The following RBM18 variants were observed in gnomAD, a reference collection of about 807,000 sequenced individuals.
RBM18 encodes probable RNA-binding protein 18.
In RBM18, 18 loss-of-function variants were observed where a neutral mutation model predicts 26.4. The observed-to-expected ratio is 0.68, with a 90% CI of 0.47 to 1.01. The LOEUF is 1.01. Among genes scored for constraint, RBM18 ranks in the 50% least tolerant of loss-of-function variants. The pLI, the probability that RBM18 is intolerant of heterozygous loss-of-function variation, is 0.00. For synonymous variants in RBM18, 74 were observed against 81.1 expected (o/e 0.91, Z 0.47); for missense variants, 180 against 219.2 (o/e 0.82, Z 1.13).
intron 2 of RBM18, among the ~76,000 whole-genome samples, chr9:122,260,473 G>C (rs1301193952): frequency 6.6e-6 from 1 of 152,166 alleles, no homozygotes; most frequent in Non-Finnish European, 1.5e-5. Context: ...CTGGCAGAAG[G>C]GAAAAACCTC....
intron 1 of RBM18, among the ~76,000 whole-genome samples, chr9:122,262,417 G>A (rs1831814159): frequency 7.6e-6 from 1 of 131,874 alleles, no homozygotes; most frequent in Non-Finnish European, 1.6e-5. Context: ...CACCTAGGAA[G>A]CATTCAATTA....
chr9:122,251,912 G>A lies in RBM18; in HGVS notation c.175C>T (p.His59Tyr), dbSNP rs376059542. 6.2e-7 allele frequency: 1 copy of A among 1,613,996 alleles called. No individual in the cohort carries two copies. Among genetic ancestry groups the A allele is most frequent in the Non-Finnish European group, 8.5e-7 (1 of 1,179,980 alleles). The change falls in exon 3 of 6, where the codon CAC becomes TAC. Residue 59 changes from histidine (H) to tyrosine (Y), a missense_variant. By Grantham distance (83) the His-to-Tyr change is moderately conservative. Coordinates refer to ENST00000417201, the MANE Select transcript of RBM18 (RefSeq NM_033117.4). ...GKVKQFDFLFHKSGALEGQPR... is the reference protein window; with the variant it reads ...GKVKQFDFLFYKSGALEGQPR... ...TGTCCCTCCAAAGCACCTGACTTGT[G>A]GAAGAGGAAGTCAAACTGCTTTACC...
At chr9:122,242,335 T>C (rs1376229758) in intron 5 of RBM18, among the ~76,000 whole-genome samples, 2 of 152,230 alleles carry the variant, frequency 1.3e-5, no homozygotes, top group African/African-American at 4.8e-5. Context: ...ACCTTAATGC[T>C]TGGCAGAGAG....
intron 3 of RBM18, among the ~76,000 whole-genome samples, chr9:122,248,232 T>C (rs1281958631): frequency 1.3e-5 from 2 of 152,198 alleles, no homozygotes; most frequent in African/African-American, 4.8e-5. Context: ...TAATAGATAA[T>C]ATGGATACTT....
chr9:122,261,904 G>A (rs1362718648), intron 1 of RBM18, among the ~76,000 whole-genome samples: 1 of 152,164 alleles, frequency 6.6e-6, no homozygotes, highest in Non-Finnish European at 1.5e-5. Context: ...GTAGGGAAGA[G>A]CAGCACTCCA....
At chr9:122,246,671 T>C (rs1407847408) in intron 4 of RBM18, among the ~76,000 whole-genome samples, 1 of 152,184 alleles carries the variant, frequency 6.6e-6, no homozygotes, top group Non-Finnish European at 1.5e-5. Flanking sequence ...AGCTTAAATG[T>C]CTTGTTTAGT....
At position 122,252,097 on chromosome 9, in the gene RBM18, C is replaced by T. The variant is rs1373664178; in HGVS notation, c.114-124G>A. 4.7e-6 allele frequency: 6 copies of T among 1,268,632 alleles called. No homozygotes were observed. The Admixed American group carries it at 7.0e-5, about 15-fold the overall frequency. The allele number at this position is 1,268,632 out of a possible 1,614,324, so 78.6% of individuals were successfully genotyped here. A position where few individuals can be genotyped will look rare whatever the true frequency, so the allele number is the denominator to read the frequency against. On this transcript the variant is annotated intron_variant, in intron 2 of 5. Transcript: ENST00000417201. ...TGAAATCTCTCGCCCCAGCCCCCTG[C>T]CTTCCTCTAAACTGCTATGTTAGTT...
rs1470878678 is a variant in RBM18, at chr9:122,240,956, G to GT, written c.*927dup. 6.6e-6 allele frequency: 1 copy of GT among 152,170 alleles called. No homozygotes were observed. Among genetic ancestry groups the GT allele is most frequent in the Non-Finnish European group, 1.5e-5 (1 of 68,036 alleles). The allele number at this position is 152,170 out of a possible 1,614,324, so 9.4% of individuals were successfully genotyped here. A position where few individuals can be genotyped will look rare whatever the true frequency, so the allele number is the denominator to read the frequency against. On this transcript the variant is annotated 3_prime_UTR_variant, in exon 6 of 6. Coordinates refer to ENST00000417201, the MANE Select transcript of RBM18 (RefSeq NM_033117.4). ...ACCGCTACACAATTATTAGAAAATT[G>GT]TATGTTTGATAGTGACCAATATAGC...
chr9:122,248,130 C>A (rs1831536575), intron 3 of RBM18, among the ~76,000 whole-genome samples: 1 of 152,138 alleles, frequency 6.6e-6, no homozygotes. Context: ...AAATCCTGGT[C>A]TGCCATTTGC....
chr9:122,254,317 T>G, intron 2 of RBM18: 1 of 964,538 alleles, frequency 1.0e-6, no homozygotes, highest in Non-Finnish European at 1.2e-6. Context: ...GTCTTTCAAC[T>G]TCTCCAGGAT....
At chr9:122,261,578 TCAA>T in intron 1 of RBM18, 70 bp from the exon 2 acceptor site, 1 of 1,015,406 alleles carries the variant, frequency 9.8e-7, no homozygotes, top group Non-Finnish European at 1.5e-6. Context: ...CAAATTCAAC[TCAA>T]CAAACATTTA....
intron 4 of RBM18, among the ~76,000 whole-genome samples, chr9:122,246,413 ATTTT>A (rs1476961628): frequency 6.6e-6 from 1 of 152,206 alleles, no homozygotes; most frequent in Non-Finnish European, 1.5e-5. Flanking sequence ...AGGCACAGAG[ATTTT>A]CAAATGAAAG....
At chr9:122,254,918 G>A (rs56306461) in intron 2 of RBM18, among the ~76,000 whole-genome samples, 71,293 of 151,424 alleles carry the variant, frequency 0.47, 17,563 homozygotes, top group East Asian at 0.82. Context: ...TTTGTGAAAG[G>A]AGTGATATCT....
Position 122,261,478 on chromosome 9 carries a change from G to C in RBM18, c.15C>G (p.Thr5=), listed in dbSNP as rs147762266. The change falls in exon 2 of 6, where the codon ACC becomes ACG. Residue 5 remains threonine, a synonymous_variant. Transcript: ENST00000417201. ...ATGCATTCTCCAGGGGAAGAGTTTTGGTTTCTGCTTCCATCAATGTCTATG... is the reference window on the plus strand; with the variant it reads ...ATGCATTCTCCAGGGGAAGAGTTTTCGTTTCTGCTTCCATCAATGTCTATG... MEAE[T]KTLPLENASI... The C allele has an allele frequency of 6.2e-7, 1 of 1,613,432 alleles. No individual in the cohort carries two copies. The highest frequency in any genetic ancestry group is 8.5e-7 in the Non-Finnish European group (1 of 1,179,346).
rs60096461 is a variant in RBM18, at chr9:122,254,048, AC to A, written c.114-2076del. 5.4e-3 allele frequency among the ~76,000 whole-genome samples: 815 copies of A among 151,404 alleles called. 7 individuals are homozygous for A. The highest frequency in any genetic ancestry group is 9.6e-3 in the South Asian group (46 of 4,772). On this transcript the variant is annotated intron_variant, in intron 2 of 5. Transcript: ENST00000417201. ...GTCTCAAAAAAAAAAAAGAAAAAAA[AC>A]CCACAAAAACACACACACACAAAAA...
At chr9:122,249,898 C>T (rs898978344) in intron 3 of RBM18, among the ~76,000 whole-genome samples, 1 of 151,582 alleles carries the variant, frequency 6.6e-6, no homozygotes, top group African/African-American at 2.4e-5. Context: ...TGGTGAAATG[C>T]CATCTCTACA....
intron 4 of RBM18, among the ~76,000 whole-genome samples, chr9:122,247,058 G>A (rs2118955379): frequency 6.6e-6 from 1 of 152,232 alleles, no homozygotes; most frequent in Middle Eastern, 3.4e-3. Context: ...TAACTCCCAA[G>A]ATTTCTGGAG....
At position 122,239,164 on chromosome 9, in the gene RBM18, G is replaced by A. The variant is rs1412746474; in HGVS notation, c.*2720C>T. On this transcript the variant is annotated 3_prime_UTR_variant, in exon 6 of 6. Coordinates refer to ENST00000417201, the MANE Select transcript of RBM18 (RefSeq NM_033117.4). The stretch of plus-strand genomic sequence containing the variant: ...CATATCTTAATAAACAAGAGACAGA[G>A]CTGCAGAATACCTGGTTTCATACAA... 1 of 152,170 alleles carries A rather than the reference G, an allele frequency of 6.6e-6. No homozygotes were observed. Among genetic ancestry groups the A allele is most frequent in the Non-Finnish European group, 1.5e-5 (1 of 68,038 alleles). 9.4% of individuals were successfully genotyped at this position (152,170 alleles called of 1,614,324 possible).
chr9:122,247,343 C>T (rs1006239666), intron 4 of RBM18, among the ~76,000 whole-genome samples, 175 bp downstream of exon 4: 1 of 152,002 alleles, frequency 6.6e-6, no homozygotes, highest in Non-Finnish European at 1.5e-5. Flanking sequence ...TAATCCCTCC[C>T]GAGATGTTTT....
Sources: gnomAD v4.1 joint callset for allele counts (sites outside exome capture counted in the v4.1 genomes callset) on GRCh38, gnomAD v4.1.1 for gene constraint, MANE v1.5 for transcripts, NCBI Gene and HGNC (gene_info 2026-07-23, HGNC 2026-07-21) for gene names.